The following PMEPA1 variants were observed in gnomAD, a reference collection of about 807,000 sequenced individuals.
The protein encoded by PMEPA1 is protein TMEPAI.
PMEPA1 carries 11 observed loss-of-function variants against 23.0 expected under a neutral mutation model. The ratio of observed to expected loss-of-function variants is 0.48; its 90% CI spans 0.30 to 0.79. The LOEUF (loss-of-function observed/expected upper bound fraction) is 0.79, where lower values mean the gene tolerates loss of function less well. Among genes scored for constraint, PMEPA1 ranks in the 30% least tolerant of loss-of-function variants. The probability of loss-of-function intolerance (pLI) is 0.06; values close to 1 mark genes in which losing one functional copy is unlikely to be tolerated. For synonymous variants in PMEPA1, 204 were observed against 166.4 expected (o/e 1.23, Z -1.74); for missense variants, 377 against 390.9 (o/e 0.96, Z 0.30).
chr20:57,692,638 G>A (rs753183547), intron 1 of PMEPA1, among the ~76,000 whole-genome samples: 1 of 152,250 alleles, frequency 6.6e-6, no homozygotes, highest in Non-Finnish European at 1.5e-5. Flanking sequence ...CAGATGCAGA[G>A]GAGGCCAAGT....
intron 1 of PMEPA1, chr20:57,690,315 C>T (rs994535449): frequency 2.7e-6 from 2 of 753,018 alleles, no homozygotes; most frequent in Admixed American, 2.3e-5. Context: ...CCTGCACCCA[C>T]CCCCACCACT....
intron 1 of PMEPA1, chr20:57,699,896 C>T (rs567288730): frequency 1.9e-4 from 76 of 391,046 alleles, no homozygotes; most frequent in African/African-American, 1.2e-3. Context: ...AGAAGCCTCC[C>T]GGCCTCGGCG....
chr20:57,671,367 G>A (rs1308419180), intron 1 of PMEPA1, among the ~76,000 whole-genome samples: 1 of 152,172 alleles, frequency 6.6e-6, no homozygotes, highest in Non-Finnish European at 1.5e-5. Flanking sequence ...GTGGGCGTGG[G>A]TGAGTGAGTC....
Position 57,656,048 on chromosome 20 carries a change from C to T in PMEPA1, c.265-2962G>A, listed in dbSNP as rs185504376. Among the ~76,000 whole-genome samples the T allele has an allele frequency of 5.9e-5, 9 of 152,176 alleles. No individual in the cohort carries two copies. In the East Asian group the frequency reaches 1.2e-3, roughly 20 times the overall value. ...GAGTCTTAACACCACGAGGCCAGAA[C>T]GTAGCTGCCCATTCTTCCCCTGGAG... On this transcript the variant is annotated intron_variant, in intron 2 of 3. Transcript: ENST00000341744. The surrounding 1 kb of genome is among the most constrained non-coding windows in gnomAD (Gnocchi z 4.7).
rs1169825366 is a variant in PMEPA1 at position 57,652,499 on chromosome 20, G to A, written c.418C>T (p.Leu140=). The part of the protein sequence containing the change: ...FHRFQPTYPY[L]QHEIDLPPTI... The stretch of plus-strand genomic sequence containing the variant: ...GGTGGCAGGTCGATCTCGTGCTGCA[G>A]GTACGGATAGGTGGGCTGGAAGCGG... Residue 140 remains leucine, a synonymous_variant, in exon 4 of 4, where the codon CTG becomes TTG. Transcript: ENST00000341744. The surrounding 1 kb of genome is among the most constrained non-coding windows in gnomAD (Gnocchi z 6.1). 6.3e-7 allele frequency: 1 copy of A among 1,596,964 alleles called. No homozygotes were observed. The highest frequency in any genetic ancestry group is 1.7e-5 in the Admixed American group (1 of 58,676).
At chr20:57,693,074 G>C (rs1290835759) in intron 1 of PMEPA1, among the ~76,000 whole-genome samples, 2 of 152,216 alleles carry the variant, frequency 1.3e-5, no homozygotes, top group African/African-American at 4.8e-5. Flanking sequence ...CTTATGTTGT[G>C]AGCAGGCCGG....
intron 1 of PMEPA1, among the ~76,000 whole-genome samples, chr20:57,670,677 C>T (rs997655811): frequency 6.6e-5 from 10 of 152,298 alleles, no homozygotes; most frequent in African/African-American, 2.4e-4. Context: ...CGTTGTATTC[C>T]GTCCCCAGCC....
intron 1 of PMEPA1, among the ~76,000 whole-genome samples, chr20:57,678,150 C>T (rs1341893214): frequency 2.6e-5 from 4 of 151,988 alleles, no homozygotes; most frequent in Admixed American, 6.5e-5. Flanking sequence ...CTGCATTGAA[C>T]GAAACACACA....
In PMEPA1 at chr20:57,652,012, C is replaced by CT. The variant is rs1317349018; in HGVS notation, c.*40dup. 1.4e-6 allele frequency: 2 copies of CT among 1,440,834 alleles called. No homozygotes were observed. The highest frequency in any genetic ancestry group is 2.9e-5 in the Admixed American group (1 of 34,768). 89.3% of individuals were successfully genotyped at this position (1,440,834 alleles called of 1,614,324 possible). Reference sequence around the variant, plus strand: ...TTCTAAGAAGCGCGGAGTGTTCTGCCTTTTCACCTACGCAGCCCCAGCCCG... The same window carrying CT: ...TTCTAAGAAGCGCGGAGTGTTCTGCCTTTTTCACCTACGCAGCCCCAGCCCG... On this transcript the variant is annotated 3_prime_UTR_variant, in exon 4 of 4. Coordinates refer to ENST00000341744, the MANE Select transcript of PMEPA1 (RefSeq NM_020182.5). This position sits in a 1 kb window ranked among gnomAD's most constrained non-coding sequence, Gnocchi z 6.1.
Position 57,682,455 on chromosome 20 carries a change from C to T in PMEPA1, c.110-22758G>A, listed in dbSNP as rs8122504. ...GTAACTAGGGGCCCAGGTTCTGGGT[C>T]TCCCTGGAGTGTCGGGGTCCTAGGC... On this transcript the variant is annotated intron_variant, in intron 1 of 3. Transcript: ENST00000341744. The surrounding 1 kb of genome is among the most constrained non-coding windows in gnomAD (Gnocchi z 4.4). Among the ~76,000 whole-genome samples, 8,520 of 152,234 alleles carry T rather than the reference C, an allele frequency of 0.056. 802 individuals are homozygous for T. Among genetic ancestry groups the T allele is most frequent in the African/African-American group, 0.19 (7,945 of 41,504 alleles).
intron 1 of PMEPA1, among the ~76,000 whole-genome samples, chr20:57,662,678 C>T (rs1436602933): frequency 1.3e-5 from 2 of 152,194 alleles, no homozygotes; most frequent in Admixed American, 6.5e-5. Flanking sequence ...TCAGGGTACA[C>T]ACAGGGCTGG....
intron 1 of PMEPA1, among the ~76,000 whole-genome samples, chr20:57,662,019 T>C (rs1466060438): frequency 6.6e-6 from 1 of 151,474 alleles, no homozygotes; most frequent in African/African-American, 2.4e-5. Context: ...CTGTCTACAC[T>C]GCTACTGAGC....
In PMEPA1 at chr20:57,703,147, A is replaced by G. The variant is rs749235122; in HGVS notation, c.109+6327T>C. On this transcript the variant is annotated intron_variant, in intron 1 of 3. Coordinates refer to ENST00000341744, the MANE Select transcript of PMEPA1 (RefSeq NM_020182.5). ...GTACTCGGCACTGTCACAGCTTCAC[A>G]GAGGGGTGCAGCCCACCCTGGGGAG... 2.6e-4 allele frequency among the ~76,000 whole-genome samples: 40 copies of G among 152,360 alleles called. 1 individual carries two copies. Among genetic ancestry groups the G allele is most frequent in the South Asian group, 1.0e-3 (5 of 4,832 alleles).
At chr20:57,662,762 C>T (rs1043894280) in intron 1 of PMEPA1, among the ~76,000 whole-genome samples, 2 of 151,680 alleles carry the variant, frequency 1.3e-5, no homozygotes, top group Admixed American at 1.3e-4. Context: ...GCACTCTTCA[C>T]CCCAGTTCCC....
chr20:57,675,708 G>A (rs1176155695), intron 1 of PMEPA1, among the ~76,000 whole-genome samples: 1 of 152,196 alleles, frequency 6.6e-6, no homozygotes, highest in Non-Finnish European at 1.5e-5. Context: ...CGCTAGAGAG[G>A]GGGCTCCAGG....
intron 1 of PMEPA1, among the ~76,000 whole-genome samples, chr20:57,679,086 C>G (rs545813940): frequency 6.6e-6 from 1 of 152,324 alleles, no homozygotes; most frequent in Non-Finnish European, 1.5e-5. Context: ...TGGAACAGAA[C>G]TAGAGCAGGT....
At chr20:57,677,226 A>G (rs1467770587) in intron 1 of PMEPA1, among the ~76,000 whole-genome samples, 2 of 152,104 alleles carry the variant, frequency 1.3e-5, no homozygotes, top group African/African-American at 4.8e-5. Flanking sequence ...TGGCTGTGGG[A>G]GCAGCTGTGT....
At chr20:57,684,700 A>G (rs1600658850) in intron 1 of PMEPA1, among the ~76,000 whole-genome samples, 1 of 152,126 alleles carries the variant, frequency 6.6e-6, no homozygotes, top group South Asian at 2.1e-4. Flanking sequence ...CAGAACTAAA[A>G]CCTCGGACGC....
chr20:57,691,347 C>T (rs1347173608), intron 1 of PMEPA1, among the ~76,000 whole-genome samples: 1 of 152,204 alleles, frequency 6.6e-6, no homozygotes. Flanking sequence ...TCCGAAGGTC[C>T]CTCCAGCAGA....
Sources: gnomAD v4.1 joint callset for allele counts (sites outside exome capture counted in the v4.1 genomes callset) on GRCh38, gnomAD v4.1.1 for gene constraint, Gnocchi (gnomAD v3.1) non-coding constraint, MANE v1.5 for transcripts, NCBI Gene and HGNC (gene_info 2026-07-23, HGNC 2026-07-21) for gene names.